Variants in DENND1A observed in about 807,000 individuals in gnomAD.
The protein encoded by DENND1A is DENN domain-containing protein 1A.
DENND1A carries 51 observed loss-of-function variants against 113.7 expected under a neutral mutation model. The ratio of observed to expected loss-of-function variants is 0.45; its 90% CI spans 0.36 to 0.57. The LOEUF (loss-of-function observed/expected upper bound fraction) is 0.57, where lower values mean the gene tolerates loss of function less well. Among genes scored for constraint, DENND1A ranks in the 20% least tolerant of loss-of-function variants. The pLI is 0.00. For missense variants in DENND1A, 1,258 were observed against 1,395.9 expected (o/e 0.90, Z 1.57); for synonymous variants, 565 against 570.8 (o/e 0.99, Z 0.14).
intron 7 of DENND1A, among the ~76,000 whole-genome samples, chr9:123,667,743 A>G (rs1444279892): frequency 6.6e-6 from 1 of 152,222 alleles, no homozygotes; most frequent in Non-Finnish European, 1.5e-5. Flanking sequence ...AGATTCACTC[A>G]GTGATTATTT....
intron 1 of DENND1A, among the ~76,000 whole-genome samples, chr9:123,888,057 A>G (rs1849357618): frequency 6.6e-6 from 1 of 152,200 alleles, no homozygotes; most frequent in Non-Finnish European, 1.5e-5. Context: ...CAATGAGCAC[A>G]CCTAATTCCC....
chr9:123,473,822 C>A (rs2049652490), intron 13 of DENND1A, among the ~76,000 whole-genome samples: 1 of 152,068 alleles, frequency 6.6e-6, no homozygotes, highest in Non-Finnish European at 1.5e-5. Context: ...GTTTAGGCCC[C>A]ATCTAAGAGA....
In DENND1A at chr9:123,417,000, A is replaced by G. The variant is rs2044781942; in HGVS notation, c.1489-5171T>C. Among the ~76,000 whole-genome samples, 3 of 152,270 alleles carry G rather than the reference A, an allele frequency of 2.0e-5. No homozygotes were observed. In the South Asian group the frequency reaches 6.2e-4, roughly 32 times the overall value. On this transcript the variant is annotated intron_variant, in intron 19 of 23. Coordinates refer to ENST00000394215, the MANE Select transcript of DENND1A (RefSeq NM_001352964.2). Reference sequence around the variant, plus strand: ...CCAAGAAATAGACTTCGGGTTAGAAACCCATGGGTTCACGAGTTGGTTCTG... The same window carrying G: ...CCAAGAAATAGACTTCGGGTTAGAAGCCCATGGGTTCACGAGTTGGTTCTG...
At chr9:123,436,726 C>T (rs75330596) in intron 19 of DENND1A, among the ~76,000 whole-genome samples, 442 of 151,658 alleles carry the variant, frequency 2.9e-3, no homozygotes, top group African/African-American at 9.5e-3. Flanking sequence ...AAATTATTAG[C>T]GAGTTCAGTT....
rs568026028 is a variant in DENND1A, at chr9:123,403,477, C to G, written c.1556G>C (p.Arg519Pro). The G allele has an allele frequency of 1.9e-6, 3 of 1,613,790 alleles. No individual in the cohort carries two copies. The highest frequency in any genetic ancestry group is 2.5e-6 in the Non-Finnish European group (3 of 1,179,966). Reference protein sequence around the residue: ...IQRSRPVRPPRPHVVKRPKSN... With the variant: ...IQRSRPVRPPPPHVVKRPKSN... The stretch of plus-strand genomic sequence containing the variant: ...CTTTGGTCTCTTAACAACATGTGGA[C>G]GAGGTGGGCGCACCTAGAGGAGGTA... Residue 519 changes from arginine to proline, a missense_variant, in exon 21 of 24, where the codon CGT becomes CCT. Coordinates refer to ENST00000394215, the MANE Select transcript of DENND1A (RefSeq NM_001352964.2).
chr9:123,883,539 C>T (rs1355485907), intron 1 of DENND1A, among the ~76,000 whole-genome samples: 1 of 152,148 alleles, frequency 6.6e-6, no homozygotes, highest in East Asian at 1.9e-4. Flanking sequence ...AACAAGTCTC[C>T]AAGTCATCCT....
intron 2 of DENND1A, among the ~76,000 whole-genome samples, chr9:123,840,668 C>T (rs550779403): frequency 6.6e-6 from 1 of 152,214 alleles, no homozygotes; most frequent in Admixed American, 6.5e-5. Context: ...ATCAAAGAGT[C>T]GCCATTATTA....
At chr9:123,426,321 C>A (rs897478190) in intron 19 of DENND1A, among the ~76,000 whole-genome samples, 2 of 152,210 alleles carry the variant, frequency 1.3e-5, no homozygotes, top group African/African-American at 4.8e-5. Context: ...GAGAGAGACA[C>A]AGGACCCCAG....
At chr9:123,810,817 G>A (rs1836464219) in intron 2 of DENND1A, among the ~76,000 whole-genome samples, 1 of 150,236 alleles carries the variant, frequency 6.7e-6, no homozygotes, top group South Asian at 2.1e-4. Flanking sequence ...GGAGTGCAGT[G>A]GTGCAATCTT....
At chr9:123,822,146 T>C (rs1173170383) in intron 2 of DENND1A, among the ~76,000 whole-genome samples, 9 of 152,252 alleles carry the variant, frequency 5.9e-5, no homozygotes, top group Non-Finnish European at 1.3e-4. Flanking sequence ...TGAGTTTTTA[T>C]ATATCTGTAT....
rs79381893 is a variant in DENND1A at position 123,840,085 on chromosome 9, ATT to A, written c.88+38864_88+38865del. Among the ~76,000 whole-genome samples the A allele has an allele frequency of 6.4e-3, 883 of 137,460 alleles. 7 individuals are homozygous for A. The highest frequency in any genetic ancestry group is 0.019 in the Middle Eastern group (5 of 258). The allele number at this position is 137,460 out of a possible 152,430, so 90.2% of individuals were successfully genotyped here. On this transcript the variant is annotated intron_variant, in intron 2 of 23. Transcript: ENST00000394215. Reference sequence around the variant, plus strand: ...CCCCATGTTTCAAGTGTTTTTGTCTATTTTTTTTTTTTTTCAAGAATTCTGGA... The same window carrying A: ...CCCCATGTTTCAAGTGTTTTTGTCTATTTTTTTTTTTTCAAGAATTCTGGA...
intron 2 of DENND1A, among the ~76,000 whole-genome samples, chr9:123,831,770 G>A (rs529485121): frequency 7.2e-5 from 11 of 152,280 alleles, no homozygotes; most frequent in Non-Finnish European, 1.5e-4. Flanking sequence ...ATCACTTGAG[G>A]TCAGGTGTTC....
intron 2 of DENND1A, among the ~76,000 whole-genome samples, chr9:123,849,326 C>A (rs1843026065): frequency 6.6e-6 from 1 of 152,182 alleles, no homozygotes; most frequent in African/African-American, 2.4e-5. Context: ...TACGCTAAAT[C>A]TACTTTGCCT....
At chr9:123,723,925 G>T (rs770227947) in intron 5 of DENND1A, among the ~76,000 whole-genome samples, 2 of 152,136 alleles carry the variant, frequency 1.3e-5, no homozygotes, top group African/African-American at 2.4e-5. Context: ...CAACTACATT[G>T]CTTGGTTCAT....
chr9:123,475,262 G>T lies in DENND1A; in HGVS notation c.994-17365C>A, dbSNP rs143914263. Among the ~76,000 whole-genome samples, 7 of 152,208 alleles carry T rather than the reference G, an allele frequency of 4.6e-5. No individual in the cohort carries two copies. In the East Asian group the frequency reaches 1.4e-3, roughly 29 times the overall value. On this transcript the variant is annotated intron_variant, in intron 13 of 23. Coordinates refer to ENST00000394215, the MANE Select transcript of DENND1A (RefSeq NM_001352964.2). ...TCGAACTCCTGGCCTCAAGTGATCCGCCCACCTCGGCCTCCCAAAGTGCTG... is the reference window on the plus strand; with the variant it reads ...TCGAACTCCTGGCCTCAAGTGATCCTCCCACCTCGGCCTCCCAAAGTGCTG...
In DENND1A at chr9:123,394,244, C is replaced by T. The variant is rs534216638; in HGVS notation, c.1632-6386G>A. ...AACTCCTAAACTTAGGCAATCCATC[C>T]GCCTCGGCCTCCCAAAGCGCCTGGC... is the stretch of plus-strand genomic sequence containing the variant. On this transcript the variant is annotated intron_variant, in intron 21 of 23. Transcript: ENST00000394215. 4.6e-5 allele frequency among the ~76,000 whole-genome samples: 7 copies of T among 152,212 alleles called. No homozygotes were observed. The South Asian group carries it at 6.2e-4, about 14-fold the overall frequency.
chr9:123,810,761 T>C (rs1439653718), intron 2 of DENND1A, among the ~76,000 whole-genome samples: 1 of 141,738 alleles, frequency 7.1e-6, no homozygotes, highest in Non-Finnish European at 1.5e-5. Context: ...TAAATCCCTT[T>C]TTTTTTTTTT....
intron 11 of DENND1A, among the ~76,000 whole-genome samples, chr9:123,595,868 C>G (rs902236974): frequency 6.6e-6 from 1 of 152,116 alleles, no homozygotes; most frequent in Non-Finnish European, 1.5e-5. Flanking sequence ...TCTAGAAATC[C>G]ACCCCAACAC....
chr9:123,654,871 C>A (rs531292471), intron 8 of DENND1A, among the ~76,000 whole-genome samples: 1 of 152,292 alleles, frequency 6.6e-6, no homozygotes, highest in Admixed American at 6.5e-5. Flanking sequence ...GCCGTGGGAG[C>A]ACCTGTGGGG....
Sources: gnomAD v4.1 joint callset for allele counts (sites outside exome capture counted in the v4.1 genomes callset) on GRCh38, gnomAD v4.1.1 for gene constraint, MANE v1.5 for transcripts, NCBI Gene and HGNC (gene_info 2026-07-23, HGNC 2026-07-21) for gene names.